Variants in MAPK14 observed in about 807,000 individuals in gnomAD.
The protein encoded by MAPK14 is mitogen-activated protein kinase 14.
Under a neutral mutation model 49.6 loss-of-function variants are expected in MAPK14, and 16 were observed. The observed-to-expected ratio is 0.32, with a 90% CI of 0.22 to 0.49. MAPK14 has a LOEUF of 0.49. Ranked by LOEUF, MAPK14 falls within the 20% of genes least tolerant of loss-of-function variation. The probability of loss-of-function intolerance (pLI) is 0.99; values close to 1 mark genes in which losing one functional copy is unlikely to be tolerated. For synonymous variants in MAPK14, 142 were observed against 158.0 expected, an observed-to-expected ratio of 0.90 and a Z score of 0.76; for missense variants, 200 against 441.2, an observed-to-expected ratio of 0.45 and a Z score of 4.90.
intron 3 of MAPK14, among the ~76,000 whole-genome samples, chr6:36,065,713 C>T (rs983952826): frequency 6.6e-6 from 1 of 152,052 alleles, no homozygotes; most frequent in African/African-American, 2.4e-5. Context: ...AAAGGTTTTA[C>T]TTTTATGTGG....
At chr6:36,043,680 C>G (rs1325116144) in intron 1 of MAPK14, among the ~76,000 whole-genome samples, 1 of 151,454 alleles carries the variant, frequency 6.6e-6, no homozygotes, top group Non-Finnish European at 1.5e-5. Context: ...GTTTTGAAGA[C>G]TATTATTAAT....
intron 1 of MAPK14, among the ~76,000 whole-genome samples, chr6:36,043,804 CTTTTTT>C (rs796534477): frequency 5.4e-4 from 49 of 90,402 alleles, no homozygotes; most frequent in African/African-American, 1.9e-3. Context: ...CTTTTTCTTT[CTTTTTT>C]TTTTTTTTTT....
At chr6:36,059,041 C>A (rs1409975373) in intron 2 of MAPK14, among the ~76,000 whole-genome samples, 1 of 152,054 alleles carries the variant, frequency 6.6e-6, no homozygotes, top group Non-Finnish European at 1.5e-5. Context: ...AGGCGCCCGC[C>A]ACCACACCTG....
At chr6:36,092,588 C>T (rs933210475) in intron 8 of MAPK14, 2 of 459,184 alleles carry the variant, frequency 4.4e-6, no homozygotes, top group African/African-American at 4.0e-5. Flanking sequence ...CTGAAATTAA[C>T]TCCTCTGAAA....
rs370899355 is a variant in MAPK14, at chr6:36,091,551, G to A, written c.683-4436G>A. 3.8e-4 allele frequency among the ~76,000 whole-genome samples: 58 copies of A among 152,294 alleles called. No individual in the cohort carries two copies. The Middle Eastern group carries it at 0.014, about 36-fold the overall frequency. ...TGCTTTACTCCGCTAATGTGGCTAC[G>A]TGACGCTCCTTCTGGTCTTAACTGC... On this transcript the variant is annotated intron_variant, in intron 8 of 11. Transcript: ENST00000229794.
intron 8 of MAPK14, chr6:36,092,261 C>A: frequency 1.7e-5 from 10 of 575,458 alleles, no homozygotes; most frequent in South Asian, 1.4e-4. Flanking sequence ...TCCATATAGA[C>A]CACTGGAGAA....
chr6:36,043,425 A>C (rs914869130), intron 1 of MAPK14, among the ~76,000 whole-genome samples: 20 of 152,150 alleles, frequency 1.3e-4, no homozygotes, highest in African/African-American at 4.8e-4. Context: ...TTTTGCATAA[A>C]GTTGCCTTTA....
At chr6:36,059,731 T>C (rs1763733718) in intron 3 of MAPK14, among the ~76,000 whole-genome samples, 1 of 152,180 alleles carries the variant, frequency 6.6e-6, no homozygotes, top group Admixed American at 6.5e-5. Context: ...TTGCCCAGGC[T>C]GGACTCAAGC....
In MAPK14 at chr6:36,096,082, G is replaced by A; in HGVS notation, c.762+16G>A. 1 of 1,585,138 alleles carries A rather than the reference G, an allele frequency of 6.3e-7. No homozygotes were observed. Among genetic ancestry groups the A allele is most frequent in the Non-Finnish European group, 8.7e-7 (1 of 1,154,344 alleles). On this transcript the variant is annotated intron_variant, in intron 9 of 11. Transcript: ENST00000229794. ...CTCAGAGTCTGTGAGTTGATGCTTT[G>A]TAATTATCTGCCCTGTTGGGAGCCT...
At chr6:36,090,478 G>A (rs759688866) in intron 8 of MAPK14, among the ~76,000 whole-genome samples, 3 of 150,906 alleles carry the variant, frequency 2.0e-5, no homozygotes, top group Non-Finnish European at 4.4e-5. Context: ...CAAAATGTTG[G>A]GATTACAGGT....
At chr6:36,094,462 G>A (rs993921087) in intron 8 of MAPK14, among the ~76,000 whole-genome samples, 1 of 152,220 alleles carries the variant, frequency 6.6e-6, no homozygotes, top group African/African-American at 2.4e-5. Flanking sequence ...AGAGCCTGGG[G>A]TTTGGTGACT....
the MAPK14 span, among the ~76,000 whole-genome samples, chr6:36,122,282 G>C: frequency 6.6e-6 from 1 of 152,230 alleles, no homozygotes; most frequent in Non-Finnish European, 1.5e-5. Context: ...GTGGCCTCCA[G>C]GGTGCACAGC....
rs1435158947 is a variant in MAPK14, at chr6:36,108,811, G to A, written c.*364G>A. Reference sequence around the variant, plus strand: ...ATGAATTGTCCCCAATCCCGGTCATGCTTTTGCCACTTTGGCTTCTCCTGT... The same window carrying A: ...ATGAATTGTCCCCAATCCCGGTCATACTTTTGCCACTTTGGCTTCTCCTGT... On this transcript the variant is annotated 3_prime_UTR_variant, in exon 12 of 12. Transcript: ENST00000229794. 4.2e-6 allele frequency: 1 copy of A among 238,472 alleles called. No homozygotes were observed. Among genetic ancestry groups the A allele is most frequent in the East Asian group, 1.2e-4 (1 of 8,568 alleles). 14.8% of individuals were successfully genotyped at this position (238,472 alleles called of 1,614,324 possible). A position where few individuals can be genotyped will look rare whatever the true frequency, so the allele number is the denominator to read the frequency against.
In MAPK14 at chr6:36,107,213, A is replaced by G. The variant is rs1037637820; in HGVS notation, c.842-242A>G. Among the ~76,000 whole-genome samples the G allele has an allele frequency of 1.3e-5, 2 of 152,174 alleles. No individual in the cohort carries two copies. Among genetic ancestry groups the G allele is most frequent in the Non-Finnish European group, 2.9e-5 (2 of 68,030 alleles). ...TGAGACCCATGTAACAAATGTGCAC[A>G]TGTACCCCCAAATCAAAAATAAAAT... On this transcript the variant is annotated intron_variant, in intron 10 of 11. Transcript: ENST00000229794. The surrounding 1 kb of genome is among the most constrained non-coding windows in gnomAD (Gnocchi z 4.3).
rs1238472781 is a variant in MAPK14 at position 36,108,693 on chromosome 6, C to A, written c.*246C>A. 20 of 491,442 alleles carry A rather than the reference C, an allele frequency of 4.1e-5. No homozygotes were observed. Among genetic ancestry groups the A allele is most frequent in the Non-Finnish European group, 6.3e-5 (17 of 270,610 alleles). The allele number at this position is 491,442 out of a possible 1,614,324, so 30.4% of individuals were successfully genotyped here. ...ACAGGAGGTTGTGGATGCTCCAGGG[C>A]AGCCTCCACCTTGCTCTTCTTTCTG... On this transcript the variant is annotated 3_prime_UTR_variant, in exon 12 of 12. Transcript: ENST00000229794.
At position 36,083,769 on chromosome 6, in the gene MAPK14, T is replaced by C. The variant is rs534955858; in HGVS notation, c.682+7161T>C. ...TCCACAGATCAGCAGAGTTAGTCTT[T>C]CCCCTTGCTGGCTCTGAGGAATCCA... On this transcript the variant is annotated intron_variant, in intron 8 of 11. Coordinates refer to ENST00000229794, the MANE Select transcript of MAPK14 (RefSeq NM_139012.3). Among the ~76,000 whole-genome samples, 26 of 152,264 alleles carry C rather than the reference T, an allele frequency of 1.7e-4. No homozygotes were observed. The South Asian group carries it at 4.6e-3, about 27-fold the overall frequency.
intron 1 of MAPK14, among the ~76,000 whole-genome samples, chr6:36,045,591 G>A (rs986417863): frequency 2.3e-4 from 33 of 146,270 alleles, no homozygotes; most frequent in Non-Finnish European, 4.2e-4. Context: ...GGCGGATCAC[G>A]AGATCAGGAG....
chr6:36,087,869 T>C (rs1765050637), intron 8 of MAPK14, among the ~76,000 whole-genome samples: 1 of 152,186 alleles, frequency 6.6e-6, no homozygotes, highest in Non-Finnish European at 1.5e-5. Flanking sequence ...GGCATCACAC[T>C]ACCTGACTTC....
At chr6:36,062,662 C>CTTTT (rs67561112) in intron 3 of MAPK14, among the ~76,000 whole-genome samples, 2 of 132,434 alleles carry the variant, frequency 1.5e-5, no homozygotes, top group African/African-American at 2.8e-5. Context: ...TTTTTCTTTT[C>CTTTT]TTTTTTTTTT....
Sources: allele counts gnomAD v4.1 joint callset (sites outside exome capture counted in the v4.1 genomes callset), GRCh38; gene constraint gnomAD v4.1.1; non-coding constraint Gnocchi (gnomAD v3.1); transcripts MANE v1.5; gene names NCBI Gene and HGNC (gene_info 2026-07-23, HGNC 2026-07-21).